MYO18A: variants seen among roughly 807,000 people sequenced by gnomAD.
MYO18A encodes the protein unconventional myosin-XVIIIa.
Under a neutral mutation model 235.8 loss-of-function variants are expected in MYO18A, and 78 were observed. That is an observed-to-expected ratio of 0.33 (90% CI 0.28 to 0.40). The LOEUF (loss-of-function observed/expected upper bound fraction) is 0.40, where lower values mean the gene tolerates loss of function less well. Among genes scored for constraint, MYO18A ranks in the 10% least tolerant of loss-of-function variants. The pLI, the probability that MYO18A is intolerant of heterozygous loss-of-function variation, is 1.00. For missense variants in MYO18A, 2,215 were observed against 2,699.3 expected (o/e 0.82, Z 3.98); for synonymous variants, 977 against 1,077.8 (o/e 0.91, Z 1.83).
Position 29,093,329 on chromosome 17 carries a change from G to A in MYO18A, c.4920C>T (p.Ser1640=), listed in dbSNP as rs766058948. ...RELEGKLATL[S]DQVNRRDFES... Reference sequence around the variant, plus strand: ...GGGTGGAGCATCCCCTGACCTGGTCGCTGAGGGTGGCGAGCTTGCCCTCCA... The same window carrying A: ...GGGTGGAGCATCCCCTGACCTGGTCACTGAGGGTGGCGAGCTTGCCCTCCA... Residue 1640 remains serine, a synonymous_variant, in exon 32 of 42, where the codon AGC becomes AGT. Transcript: ENST00000527372. 6.8e-6 allele frequency: 11 copies of A among 1,610,716 alleles called. No individual in the cohort carries two copies. The highest frequency in any genetic ancestry group is 2.2e-5 in the East Asian group (1 of 44,732).
In MYO18A at chr17:29,115,680, G is replaced by A; in HGVS notation, c.2211C>T (p.Gly737=). 4 of 1,603,512 alleles carry A rather than the reference G, an allele frequency of 2.5e-6. No individual in the cohort carries two copies. The highest frequency in any genetic ancestry group is 4.3e-4 in the Middle Eastern group (2 of 4,650). Residue 737 remains glycine (G), a synonymous_variant, in exon 12 of 42, where the codon GGC becomes GGT. Coordinates refer to ENST00000527372, the MANE Select transcript of MYO18A (RefSeq NM_078471.4). ...AAAGGGTACCTGTCCCATCTCCCAG[G>A]CCACTCTCCTCGGGGCCCTGGCGGA... ...TSFRQGPEES[G]LGDGTGPKLS...
chr17:29,080,888 C>A (rs1466810733), intron 41 of MYO18A: 1 of 985,352 alleles, frequency 1.0e-6, no homozygotes, highest in Non-Finnish European at 1.2e-6. Context: ...AAGAGCGAAT[C>A]CGCGTCCCCG....
intron 33 of MYO18A, 59 bp downstream of exon 33, chr17:29,092,796 A>C: frequency 6.3e-7 from 1 of 1,588,760 alleles, no homozygotes; most frequent in Non-Finnish European, 8.6e-7. Context: ...AGAGAGAGAA[A>C]GAGAATGGAA....
chr17:29,130,326 A>G lies in MYO18A; in HGVS notation c.1000-8073T>C, dbSNP rs539982609. On this transcript the variant is annotated intron_variant, in intron 2 of 41. Transcript: ENST00000527372. ...AAAAAAAAAAAAAAAAAAAAAAAGA[A>G]AAGAAAATGATGACAATGATGATGA... is the stretch of plus-strand genomic sequence containing the variant. Among the ~76,000 whole-genome samples, 72 of 151,166 alleles carry G rather than the reference A, an allele frequency of 4.8e-4. No homozygotes were observed. In the South Asian group the frequency reaches 0.01, roughly 21 times the overall value.
intron 19 of MYO18A, among the ~76,000 whole-genome samples, chr17:29,108,995 G>T (rs1207558825): frequency 6.6e-6 from 1 of 152,056 alleles, no homozygotes; most frequent in Non-Finnish European, 1.5e-5. Context: ...TTAGAGCAGG[G>T]CAGGGAGCCT....
rs1196223178 is a variant in MYO18A, at chr17:29,110,541, G to A, written c.2982C>T (p.Gly994=). ...TGGCCCGGCGCAGTGCCAGCTGCGA[G>A]CCGCCCTCCAGGCCCGCGATGGAGC... ...LSGSIAGLEG[G]SQLALRRATS... Residue 994 remains glycine, a synonymous_variant, in exon 18 of 42, where the codon GGC becomes GGT. Transcript: ENST00000527372. 6.2e-6 allele frequency: 10 copies of A among 1,611,174 alleles called. No individual in the cohort carries two copies. The highest frequency in any genetic ancestry group is 3.4e-5 in the Admixed American group (2 of 59,602).
In MYO18A at chr17:29,096,936, C is replaced by T. The variant is rs1482532802; in HGVS notation, c.4231-21G>A. The T allele has an allele frequency of 3.3e-6, 5 of 1,536,110 alleles. No homozygotes were observed. The Admixed American group carries it at 7.9e-5, about 24-fold the overall frequency. ...CCGAGCTAGGGGCCAAGATGGGGTG[C>T]ATATACAGAGAGACCCAGAAGCATA... On this transcript the variant is annotated intron_variant, in intron 27 of 41. Coordinates refer to ENST00000527372, the MANE Select transcript of MYO18A (RefSeq NM_078471.4).
At chr17:29,101,756 G>A (rs1270058894) in intron 21 of MYO18A, among the ~76,000 whole-genome samples, 1 of 152,180 alleles carries the variant, frequency 6.6e-6, no homozygotes, top group Non-Finnish European at 1.5e-5. Context: ...GTGGGGGGTG[G>A]ATAATGGCTC....
intron 41 of MYO18A, chr17:29,076,865 CG>C (rs1383314792): frequency 6.6e-6 from 1 of 152,242 alleles, no homozygotes; most frequent in East Asian, 1.9e-4. Flanking sequence ...GTGAGCAGAG[CG>C]GGGCGAGGCA....
intron 2 of MYO18A, among the ~76,000 whole-genome samples, chr17:29,122,456 G>A (rs2067224980): frequency 6.6e-6 from 1 of 152,158 alleles, no homozygotes; most frequent in Non-Finnish European, 1.5e-5. Flanking sequence ...GTGGCTCTAA[G>A]GAGCCCTGAG....
chr17:29,088,079 G>A (rs1453071858), intron 37 of MYO18A, among the ~76,000 whole-genome samples: 4 of 141,176 alleles, frequency 2.8e-5, no homozygotes, highest in Middle Eastern at 3.5e-3. Flanking sequence ...TTTTTGAGAC[G>A]GAGTGTCGCT....
chr17:29,138,574 T>C (rs547771492), intron 2 of MYO18A, among the ~76,000 whole-genome samples: 9 of 152,372 alleles, frequency 5.9e-5, no homozygotes, highest in Middle Eastern at 3.4e-3. Context: ...TTAATCATTA[T>C]TGAGCATTTG....
At chr17:29,083,259 T>C (rs12603379) in intron 40 of MYO18A, among the ~76,000 whole-genome samples, 63,774 of 151,948 alleles carry the variant, frequency 0.42, 14,676 homozygotes, top group East Asian at 0.84. Flanking sequence ...CGGGCAGAGC[T>C]GACCTTAGCA....
Position 29,094,974 on chromosome 17 carries a change from G to A in MYO18A, c.4471C>T (p.Leu1491Phe), listed in dbSNP as rs2066486292. Reference sequence around the variant, plus strand: ...TTCAGGCTGAAAGCCTCAGCGAGGAGCATGTCCTTCTCCCGCTGCAGCTTC... The same window carrying A: ...TTCAGGCTGAAAGCCTCAGCGAGGAACATGTCCTTCTCCCGCTGCAGCTTC... The part of the protein sequence containing the change: ...REKLQREKDM[L>F]LAEAFSLKQQ... The change falls in exon 29 of 42, where the codon CTC (leucine) becomes TTC (phenylalanine). Residue 1491 changes from leucine to phenylalanine, a missense_variant. Coordinates refer to ENST00000527372, the MANE Select transcript of MYO18A (RefSeq NM_078471.4). 6.2e-7 allele frequency: 1 copy of A among 1,607,610 alleles called. No homozygotes were observed. Among genetic ancestry groups the A allele is most frequent in the African/African-American group, 1.3e-5 (1 of 74,832 alleles).
intron 2 of MYO18A, among the ~76,000 whole-genome samples, chr17:29,145,016 G>C (rs114371573): frequency 0.012 from 1,849 of 152,196 alleles, 42 homozygotes; most frequent in African/African-American, 0.041. Flanking sequence ...TATAATTTTA[G>C]GCTACAGTAA....
intron 19 of MYO18A, chr17:29,107,716 G>C (rs1480896238): frequency 1.3e-5 from 2 of 151,920 alleles, no homozygotes; most frequent in African/African-American, 2.4e-5. Context: ...CAGGAGTTTA[G>C]ACAAGCCTGG....
chr17:29,077,735 C>T (rs1260628794), intron 41 of MYO18A: 1 of 152,474 alleles, frequency 6.6e-6, no homozygotes, highest in Non-Finnish European at 1.5e-5. Flanking sequence ...AAGAAACAGG[C>T]TTTTGGTCTT....
chr17:29,176,332 T>A (rs1161879215), intron 1 of MYO18A, among the ~76,000 whole-genome samples: 1 of 151,850 alleles, frequency 6.6e-6, no homozygotes, highest in Non-Finnish European at 1.5e-5. Context: ...TTCACTGGTG[T>A]CTTGTGGCTG....
chr17:29,098,551 A>G, intron 23 of MYO18A, 106 bp from the exon 24 acceptor site: 1 of 1,338,526 alleles, frequency 7.5e-7, no homozygotes, highest in Non-Finnish European at 1.0e-6. Flanking sequence ...TTGGGCCAGG[A>G]CGCCATGGGG....
Sources: gnomAD v4.1 joint callset for allele counts (sites outside exome capture counted in the v4.1 genomes callset) on GRCh38, gnomAD v4.1.1 for gene constraint, MANE v1.5 for transcripts, NCBI Gene and HGNC (gene_info 2026-07-23, HGNC 2026-07-21) for gene names.